Variants in DGKB observed in about 807,000 individuals in gnomAD.
DGKB encodes the protein diacylglycerol kinase beta.
In DGKB, 67 loss-of-function variants were observed where a neutral mutation model predicts 114.3. That is an observed-to-expected ratio of 0.59 (90% CI 0.48 to 0.72). The LOEUF (loss-of-function observed/expected upper bound fraction) is 0.72, where lower values mean the gene tolerates loss of function less well. Among genes scored for constraint, DGKB ranks in the 30% least tolerant of loss-of-function variants. DGKB has a pLI of 0.00. For missense variants in DGKB, 907 were observed against 975.2 expected (o/e 0.93, Z 0.93); for synonymous variants, 398 against 323.1 (o/e 1.23, Z -2.49).
chr7:14,406,691 A>G (rs1297699913), intron 21 of DGKB, among the ~76,000 whole-genome samples: 2 of 152,100 alleles, frequency 1.3e-5, no homozygotes, highest in Non-Finnish European at 2.9e-5. Context: ...AGAGAATGAG[A>G]AAAACCTTTA....
chr7:14,567,605 A>ATC, intron 20 of DGKB, among the ~76,000 whole-genome samples: 1 of 119,550 alleles, frequency 8.4e-6, no homozygotes, highest in Non-Finnish European at 1.6e-5. Context: ...ATATATATAT[A>ATC]TATATATATC....
chr7:14,697,604 T>C (rs1824186102), intron 8 of DGKB, among the ~76,000 whole-genome samples: 3 of 149,618 alleles, frequency 2.0e-5, no homozygotes, highest in Admixed American at 6.7e-5. Flanking sequence ...AGTAACTTAG[T>C]TATCAAAAGA....
intron 1 of DGKB, among the ~76,000 whole-genome samples, chr7:14,885,009 G>C (rs531004768): frequency 4.6e-5 from 7 of 151,994 alleles, no homozygotes; most frequent in South Asian, 4.2e-4. Flanking sequence ...TGACAGAAGG[G>C]CTTAGTTGAA....
At chr7:14,227,892 T>C (rs578156588) in intron 23 of DGKB, among the ~76,000 whole-genome samples, 187 of 152,204 alleles carry the variant, frequency 1.2e-3, no homozygotes, top group African/African-American at 4.1e-3. Context: ...TGAATGACTA[T>C]GTATGCCACA....
intron 17 of DGKB, among the ~76,000 whole-genome samples, chr7:14,592,044 A>G (rs182055002): frequency 9.7e-4 from 148 of 151,970 alleles, no homozygotes; most frequent in African/African-American, 3.4e-3. Flanking sequence ...GCTTACATAC[A>G]ATGTGGCTGT....
intron 23 of DGKB, among the ~76,000 whole-genome samples, chr7:14,335,739 GT>G (rs1284718570): frequency 1.3e-5 from 2 of 151,980 alleles, no homozygotes; most frequent in Non-Finnish European, 2.9e-5. Flanking sequence ...GCTTTGTTGT[GT>G]TTTTGTTTTG....
chr7:14,767,518 G>A (rs188326761), intron 2 of DGKB, among the ~76,000 whole-genome samples: 52 of 151,950 alleles, frequency 3.4e-4, no homozygotes, highest in Admixed American at 1.4e-3. Flanking sequence ...CTTAAGCTAA[G>A]CTCCGGGGAT....
At chr7:14,250,568 T>C (rs910741930) in intron 23 of DGKB, among the ~76,000 whole-genome samples, 1 of 152,184 alleles carries the variant, frequency 6.6e-6, no homozygotes, top group Non-Finnish European at 1.5e-5. Flanking sequence ...AACTAACATA[T>C]ATATTCTGGA....
intron 20 of DGKB, among the ~76,000 whole-genome samples, chr7:14,488,889 A>C (rs1784224089): frequency 6.6e-6 from 1 of 151,766 alleles, no homozygotes; most frequent in Non-Finnish European, 1.5e-5. Context: ...AACAACAAAA[A>C]TTATTTTCTA....
intron 20 of DGKB, among the ~76,000 whole-genome samples, chr7:14,532,000 T>C (rs1791666299): frequency 6.6e-6 from 1 of 151,270 alleles, no homozygotes; most frequent in Non-Finnish European, 1.5e-5. Context: ...GGCCTTCCCT[T>C]TAAACCATAT....
chr7:14,902,126 G>A (rs147232739), intron 1 of DGKB, among the ~76,000 whole-genome samples: 109 of 152,244 alleles, frequency 7.2e-4, no homozygotes, highest in African/African-American at 2.5e-3. Context: ...ATTTAATAAG[G>A]TAAATCGAAG....
chr7:14,535,319 T>C (rs890274960), intron 20 of DGKB, among the ~76,000 whole-genome samples: 2 of 149,274 alleles, frequency 1.3e-5, no homozygotes, highest in African/African-American at 2.5e-5. Flanking sequence ...TAGCAAGCTA[T>C]GAATGTGCCA....
intron 17 of DGKB, among the ~76,000 whole-genome samples, chr7:14,594,860 T>C (rs1044818145): frequency 1.3e-5 from 2 of 152,140 alleles, no homozygotes; most frequent in African/African-American, 4.8e-5. Flanking sequence ...AAATACTTTA[T>C]AAATGAAATG....
chr7:14,280,550 C>T (rs898994431), intron 23 of DGKB, among the ~76,000 whole-genome samples: 5 of 149,046 alleles, frequency 3.4e-5, no homozygotes, highest in African/African-American at 7.4e-5. Flanking sequence ...CTCCAAGACA[C>T]ATAATTGTCA....
At chr7:14,926,999 A>C (rs1003032328) in intron 1 of DGKB, among the ~76,000 whole-genome samples, 1 of 151,938 alleles carries the variant, frequency 6.6e-6, no homozygotes, top group African/African-American at 2.4e-5. Flanking sequence ...GGTTAGTGAA[A>C]ATTTGGGCTG....
intron 13 of DGKB, among the ~76,000 whole-genome samples, chr7:14,639,716 T>C (rs891765108): frequency 6.6e-6 from 1 of 152,234 alleles, no homozygotes; most frequent in South Asian, 2.1e-4. Context: ...GCTTGCCTCT[T>C]CCTTTTTCTG....
At chr7:14,465,802 C>T (rs1780376542) in intron 21 of DGKB, among the ~76,000 whole-genome samples, 1 of 152,184 alleles carries the variant, frequency 6.6e-6, no homozygotes, top group Non-Finnish European at 1.5e-5. Context: ...TCCGCAATAA[C>T]ATCCCCTGCT....
At chr7:14,552,088 A>C (rs1795183298) in intron 20 of DGKB, among the ~76,000 whole-genome samples, 1 of 152,128 alleles carries the variant, frequency 6.6e-6, no homozygotes, top group African/African-American at 2.4e-5. Flanking sequence ...AACAGGATAA[A>C]TATGCTAACA....
At chr7:14,661,751 C>T (rs947812467) in intron 13 of DGKB, among the ~76,000 whole-genome samples, 30 of 151,738 alleles carry the variant, frequency 2.0e-4, no homozygotes, top group African/African-American at 7.2e-4. Context: ...AAGACACATG[C>T]ACACGTATGT....
Sources: allele counts gnomAD v4.1 joint callset (sites outside exome capture counted in the v4.1 genomes callset), GRCh38; gene constraint gnomAD v4.1.1; transcripts MANE v1.5; gene names NCBI Gene and HGNC (gene_info 2026-07-23, HGNC 2026-07-21).